Variants in SLC35D4 observed in about 807,000 individuals in gnomAD.
SLC35D4 encodes UDP-N-acetylglucosamine transporter SLC35D4.
At chr18:23,254,136 C>G in the SLC35D4 span, among the ~76,000 whole-genome samples, 1 of 152,162 alleles carries the variant, frequency 6.6e-6, no homozygotes, top group Non-Finnish European at 1.5e-5. Flanking sequence ...TTGACAAGAC[C>G]AAAGCTCCTC....
chr18:23,401,025 CT>C, the SLC35D4 span, among the ~76,000 whole-genome samples: 1 of 152,198 alleles, frequency 6.6e-6, no homozygotes, highest in Non-Finnish European at 1.5e-5. Context: ...AAACCAAGCA[CT>C]TTGCTGGTTT....
At chr18:23,251,103 C>T in the SLC35D4 span, among the ~76,000 whole-genome samples, 4 of 152,222 alleles carry the variant, frequency 2.6e-5, no homozygotes, top group East Asian at 1.9e-4. Context: ...TCCAGGGAAT[C>T]GACCTTCACA....
chr18:23,246,063 C>T, the SLC35D4 span, among the ~76,000 whole-genome samples: 6 of 152,212 alleles, frequency 3.9e-5, no homozygotes, highest in South Asian at 1.2e-3. Flanking sequence ...GTCAGGAGAT[C>T]GAGACCATCC....
the SLC35D4 span, among the ~76,000 whole-genome samples, chr18:23,435,009 T>G: frequency 6.6e-6 from 1 of 151,534 alleles, no homozygotes; most frequent in Non-Finnish European, 1.5e-5. Context: ...AATATAAATA[T>G]TAGCCCAGCA....
At chr18:23,362,887 T>C in the SLC35D4 span, among the ~76,000 whole-genome samples, 81 of 152,232 alleles carry the variant, frequency 5.3e-4, 1 homozygote, top group African/African-American at 1.8e-3. Flanking sequence ...CCATCATAAG[T>C]TTAACAAATG....
the SLC35D4 span, among the ~76,000 whole-genome samples, chr18:23,358,011 G>A: frequency 1.3e-5 from 2 of 152,158 alleles, no homozygotes; most frequent in African/African-American, 2.4e-5. Context: ...CGAAGAGCGT[G>A]GATATATTCT....
chr18:23,276,145 T>C, the SLC35D4 span, among the ~76,000 whole-genome samples: 2 of 151,770 alleles, frequency 1.3e-5, no homozygotes, highest in African/African-American at 4.8e-5. Context: ...TGGAGTGCAG[T>C]GGCGCAATCT....
At chr18:23,272,525 G>T in the SLC35D4 span, among the ~76,000 whole-genome samples, 1 of 152,136 alleles carries the variant, frequency 6.6e-6, no homozygotes, top group African/African-American at 2.4e-5. Flanking sequence ...GAGTCAGATT[G>T]GTGAGTTTGG....
the SLC35D4 span, among the ~76,000 whole-genome samples, chr18:23,408,812 CTCTCTTTT>C: frequency 6.9e-6 from 1 of 144,084 alleles, no homozygotes; most frequent in Non-Finnish European, 1.5e-5. Flanking sequence ...TATATCTTAT[CTCTCTTTT>C]TTTTTTTTTT....
At chr18:23,409,983 C>T in the SLC35D4 span, among the ~76,000 whole-genome samples, 6 of 152,018 alleles carry the variant, frequency 3.9e-5, no homozygotes, top group South Asian at 2.1e-4. Context: ...GATGATTTAA[C>T]GTATATGGGA....
chr18:23,241,318 G>A, the SLC35D4 span, among the ~76,000 whole-genome samples: 2 of 151,976 alleles, frequency 1.3e-5, no homozygotes, highest in African/African-American at 2.4e-5. Context: ...ATCACTTGAG[G>A]TCAAGAGTTT....
the SLC35D4 span, among the ~76,000 whole-genome samples, chr18:23,410,435 G>A: frequency 6.7e-6 from 1 of 150,240 alleles, no homozygotes; most frequent in Non-Finnish European, 1.5e-5. Flanking sequence ...CCGAGATCAC[G>A]CTACTGCACT....
the SLC35D4 span, among the ~76,000 whole-genome samples, chr18:23,315,633 TA>T: frequency 2.0e-5 from 3 of 152,214 alleles, no homozygotes; most frequent in Non-Finnish European, 2.9e-5. Flanking sequence ...TCCTTTTTCA[TA>T]TATTTGGGAA....
chr18:23,334,933 A>T, the SLC35D4 span, among the ~76,000 whole-genome samples: 2 of 152,174 alleles, frequency 1.3e-5, no homozygotes, highest in East Asian at 3.9e-4. Context: ...TTGAACTGGG[A>T]GGCAGAGATT....
chr18:23,343,327 T>C, the SLC35D4 span, among the ~76,000 whole-genome samples: 6 of 152,060 alleles, frequency 3.9e-5, no homozygotes, highest in Admixed American at 2.0e-4. Flanking sequence ...GGCGTGATCT[T>C]GGCTCCTGGG....
At chr18:23,316,082 T>G in the SLC35D4 span, among the ~76,000 whole-genome samples, 6 of 152,188 alleles carry the variant, frequency 3.9e-5, no homozygotes, top group Non-Finnish European at 7.3e-5. Context: ...AATGCCCAGG[T>G]GATATGCATA....
the SLC35D4 span, chr18:23,309,779 C>G: frequency 1.9e-6 from 3 of 1,596,170 alleles, no homozygotes; most frequent in Non-Finnish European, 2.6e-6. Flanking sequence ...GTCATCATAC[C>G]AGCAGGGCTC....
chr18:23,340,584 AT>A, the SLC35D4 span, among the ~76,000 whole-genome samples: 1 of 152,196 alleles, frequency 6.6e-6, no homozygotes, highest in Non-Finnish European at 1.5e-5. Flanking sequence ...GAAAATATAA[AT>A]GAAACCAAAT....
At chr18:23,321,442 T>C in the SLC35D4 span, among the ~76,000 whole-genome samples, 2 of 151,818 alleles carry the variant, frequency 1.3e-5, no homozygotes, top group African/African-American at 4.8e-5. Context: ...CTGGATACCA[T>C]CATGACACAA....
Sources: allele counts gnomAD v4.1 joint callset (sites outside exome capture counted in the v4.1 genomes callset), GRCh38; gene constraint gnomAD v4.1.1; transcripts MANE v1.5; gene names NCBI Gene and HGNC (gene_info 2026-07-23, HGNC 2026-07-21).